PEX5L: variants seen among roughly 807,000 people sequenced by gnomAD.
PEX5L encodes PEX5-related protein.
Under a neutral mutation model 84.0 loss-of-function variants are expected in PEX5L, and 30 were observed. The observed-to-expected ratio is 0.36, with a 90% confidence interval of 0.27 to 0.48. PEX5L has a LOEUF of 0.48. PEX5L is among the 20% of genes least tolerant of loss of function. PEX5L has a pLI of 0.99. For missense variants in PEX5L, 533 were observed against 754.6 expected, an observed-to-expected ratio of 0.71 and a Z score of 3.44; for synonymous variants, 270 against 283.1, an observed-to-expected ratio of 0.95 and a Z score of 0.46.
intron 4 of PEX5L, among the ~76,000 whole-genome samples, chr3:179,885,375 G>A (rs915225926): frequency 2.6e-5 from 4 of 152,136 alleles, no homozygotes; most frequent in Non-Finnish European, 4.4e-5. Flanking sequence ...GGCCAGGCGC[G>A]GTGGTTCACG....
At position 179,875,355 on chromosome 3, in the gene PEX5L, A is replaced by G; in HGVS notation, c.628T>C (p.Trp210Arg). 2.5e-6 allele frequency: 4 copies of G among 1,613,922 alleles called. No individual in the cohort carries two copies. The highest frequency in any genetic ancestry group is 2.5e-6 in the Non-Finnish European group (3 of 1,179,830). Residue 210 changes from tryptophan (W) to arginine (R), a missense_variant and splice_region_variant, in exon 6 of 15, where the codon TGG (tryptophan) becomes CGG (arginine). This residue lies in a region of PEX5L where 259 missense variants were observed against 301.7 expected (regional missense o/e 0.86). Coordinates refer to ENST00000467460, the MANE Select transcript of PEX5L (RefSeq NM_016559.3). ...TTTTCTGGTATTAAAATACCTTACC[A>G]TAAGAGCTCTTTTGATCCAGTTCTA... ...SSRTGSKELL[W>R]SSEHRSQPEL...
At position 179,941,167 on chromosome 3, in the gene PEX5L, C is replaced by T. The variant is rs189855491; in HGVS notation, c.93+30427G>A. Among the ~76,000 whole-genome samples, 184 of 152,304 alleles carry T rather than the reference C, an allele frequency of 1.2e-3. 1 individual carries two copies. Among genetic ancestry groups the T allele is most frequent in the Non-Finnish European group, 5.6e-4 (38 of 68,014 alleles). On this transcript the variant is annotated intron_variant, in intron 2 of 14. Transcript: ENST00000467460. Reference sequence around the variant, plus strand: ...ATTGTGCGCCAAGCTCTACTGTAAACATTTTAAAATTTGTTTATTTTATTG... The same window carrying T: ...ATTGTGCGCCAAGCTCTACTGTAAATATTTTAAAATTTGTTTATTTTATTG...
chr3:179,827,594 G>A (rs11709481), intron 8 of PEX5L, among the ~76,000 whole-genome samples: 84,547 of 151,998 alleles, frequency 0.56, 24,100 homozygotes, highest in East Asian at 0.73. Flanking sequence ...TTGGAGTAAT[G>A]TGCTACACAG....
At chr3:179,945,702 T>C (rs562464716) in intron 2 of PEX5L, among the ~76,000 whole-genome samples, 1 of 152,356 alleles carries the variant, frequency 6.6e-6, no homozygotes, top group South Asian at 2.1e-4. Context: ...TTGGGAGTGC[T>C]ACAGAGGTTT....
At chr3:179,905,593 A>T (rs982436513) in intron 2 of PEX5L, among the ~76,000 whole-genome samples, 1 of 152,074 alleles carries the variant, frequency 6.6e-6, no homozygotes, top group Non-Finnish European at 1.5e-5. Context: ...GTTGTTAAAA[A>T]TTTAGTCTAT....
intron 4 of PEX5L, chr3:179,880,853 A>G (rs1232423372): frequency 2.0e-5 from 3 of 152,258 alleles, no homozygotes; most frequent in African/African-American, 7.2e-5. Flanking sequence ...TAAAAAAGCA[A>G]GTTTTATAAC....
chr3:179,887,655 T>TA lies in PEX5L; in HGVS notation c.310+17dup. On this transcript the variant is annotated intron_variant, in intron 4 of 14. Coordinates refer to ENST00000467460, the MANE Select transcript of PEX5L (RefSeq NM_016559.3). ...AAATTAACTCTAGTTGAGGAACAGT[T>TA]AAAAGTGAGAGAATTACCAGCTGTA... 6.8e-7 allele frequency: 1 copy of TA among 1,467,396 alleles called. No homozygotes were observed. Among genetic ancestry groups the TA allele is most frequent in the Non-Finnish European group, 9.6e-7 (1 of 1,046,682 alleles). 90.9% of individuals were successfully genotyped at this position (1,467,396 alleles called of 1,614,324 possible). A position where few individuals can be genotyped will look rare whatever the true frequency, so the allele number is the denominator to read the frequency against.
At chr3:179,909,335 G>GACTT (rs2109172290) in intron 2 of PEX5L, among the ~76,000 whole-genome samples, 1 of 152,256 alleles carries the variant, frequency 6.6e-6, no homozygotes, top group East Asian at 1.9e-4. Context: ...AGAGCAGAGA[G>GACTT]ACTTAAATAT....
intron 3 of PEX5L, among the ~76,000 whole-genome samples, chr3:179,895,907 G>C (rs1175331032): frequency 6.6e-6 from 1 of 152,058 alleles, no homozygotes; most frequent in East Asian, 1.9e-4. Flanking sequence ...TGAGCATCTG[G>C]CATTGACATA....
intron 7 of PEX5L, among the ~76,000 whole-genome samples, chr3:179,871,100 C>CTT (rs397801213): frequency 0.012 from 1,134 of 94,840 alleles, 28 homozygotes; most frequent in African/African-American, 0.032. Context: ...TTGAGTTATA[C>CTT]TTTTTTTTTT....
chr3:179,973,842 G>A, intron 1 of PEX5L: 1 of 985,266 alleles, frequency 1.0e-6, no homozygotes, highest in Non-Finnish European at 1.2e-6. Flanking sequence ...GTGGGAGGAG[G>A]CATTTAGAGC....
rs1718787045 is a variant in PEX5L at position 179,801,296 on chromosome 3, C to T, written c.*532G>A. On this transcript the variant is annotated 3_prime_UTR_variant, in exon 15 of 15. Coordinates refer to ENST00000467460, the MANE Select transcript of PEX5L (RefSeq NM_016559.3). ...AAGCTCCCTCTCTGGAATCAAAGGG[C>T]TACAGTAAAAGTTAAAATTGGAACA... 1 of 154,124 alleles carries T rather than the reference C, an allele frequency of 6.5e-6. No individual in the cohort carries two copies. The highest frequency in any genetic ancestry group is 2.0e-4 in the South Asian group (1 of 4,912). The allele number at this position is 154,124 out of a possible 1,614,324, so 9.5% of individuals were successfully genotyped here. A position where few individuals can be genotyped will look rare whatever the true frequency, so the allele number is the denominator to read the frequency against.
intron 1 of PEX5L, among the ~76,000 whole-genome samples, chr3:179,995,793 A>G (rs1171105362): frequency 6.6e-6 from 1 of 152,214 alleles, no homozygotes; most frequent in Non-Finnish European, 1.5e-5. Flanking sequence ...CAAGTGGCTG[A>G]CCTGCAACGA....
At chr3:179,809,810 C>A (rs1723029626) in intron 11 of PEX5L, 142 bp from the exon 12 acceptor site, 5 of 623,558 alleles carry the variant, frequency 8.0e-6, no homozygotes, top group Non-Finnish European at 1.1e-5. Context: ...TGGAAAGCAC[C>A]ATATTTATCC....
chr3:179,997,970 C>T (rs1788049439), intron 1 of PEX5L, among the ~76,000 whole-genome samples: 1 of 152,140 alleles, frequency 6.6e-6, no homozygotes, highest in Non-Finnish European at 1.5e-5. Context: ...TTTTCGCTTC[C>T]AGAAGATATC....
At chr3:179,858,908 T>C (rs752583323) in intron 8 of PEX5L, among the ~76,000 whole-genome samples, 154 bp downstream of exon 8, 26 of 152,220 alleles carry the variant, frequency 1.7e-4, no homozygotes, top group Non-Finnish European at 3.1e-4. Context: ...CCAGATTCTG[T>C]ACCAAATGAT....
In PEX5L at chr3:179,799,984, A is replaced by G. The variant is rs1201015720; in HGVS notation, c.*1844T>C. On this transcript the variant is annotated 3_prime_UTR_variant, in exon 15 of 15. Transcript: ENST00000467460. ...TACCACCTGGCCCAAGTCAACTTTGACAATGACTATCAAAACCTGGCACTC... is the reference window on the plus strand; with the variant it reads ...TACCACCTGGCCCAAGTCAACTTTGGCAATGACTATCAAAACCTGGCACTC... The G allele has an allele frequency of 6.6e-6, 1 of 152,228 alleles. No individual in the cohort carries two copies. The highest frequency in any genetic ancestry group is 2.4e-5 in the African/African-American group (1 of 41,444). The allele number at this position is 152,228 out of a possible 1,614,324, so 9.4% of individuals were successfully genotyped here.
chr3:179,838,357 C>T (rs1479275402), intron 8 of PEX5L, among the ~76,000 whole-genome samples: 2 of 152,158 alleles, frequency 1.3e-5, no homozygotes, highest in Non-Finnish European at 2.9e-5. Flanking sequence ...GCTGCCTCTA[C>T]ATACTGATAT....
At chr3:179,930,579 T>C (rs902964941) in intron 2 of PEX5L, among the ~76,000 whole-genome samples, 7 of 152,236 alleles carry the variant, frequency 4.6e-5, no homozygotes, top group African/African-American at 1.7e-4. Context: ...TCCTGTACTA[T>C]GTCTGGTCTT....
Sources: allele counts gnomAD v4.1 joint callset (sites outside exome capture counted in the v4.1 genomes callset), GRCh38; gene constraint gnomAD v4.1.1; regional missense constraint gnomAD v4.1.1; transcripts MANE v1.5; gene names NCBI Gene and HGNC (gene_info 2026-07-23, HGNC 2026-07-21).